Variants in LUZP4 observed in about 807,000 individuals in gnomAD.
LUZP4 encodes HOM-TES-85 tumor antigen.
LUZP4 carries 11 observed loss-of-function variants against 8.5 expected under a neutral mutation model. That is an observed-to-expected ratio of 1.30 (90% confidence interval 0.82 to 2.14). LUZP4 has a LOEUF of 2.14. LUZP4 is among the 30% of genes most tolerant of loss of function. The probability of loss-of-function intolerance (pLI) is 0.00; values close to 1 mark genes in which losing one functional copy is unlikely to be tolerated. For synonymous variants in LUZP4, 104 were observed against 79.4 expected (o/e 1.31, Z -1.65); for missense variants, 276 against 229.7 (o/e 1.20, Z -1.30).
At chrX:115,300,997 C>T (rs1428822724) in intron 1 of LUZP4, among the ~76,000 whole-genome samples, 1 of 110,772 alleles carries the variant, frequency 9.0e-6, no homozygotes, top group Non-Finnish European at 1.9e-5. Flanking sequence ...ATTCTGCCAT[C>T]TTGCTTCCTA....
chrX:115,299,821 C>T (rs1209014191), intron 1 of LUZP4, among the ~76,000 whole-genome samples: 1 of 111,728 alleles, frequency 9.0e-6, no homozygotes, highest in East Asian at 2.8e-4. Flanking sequence ...CAGCAAGTCT[C>T]GGAGTCTCAT....
intron 1 of LUZP4, among the ~76,000 whole-genome samples, chrX:115,292,595 A>G (rs781882479): frequency 1.8e-5 from 2 of 109,663 alleles, no homozygotes; most frequent in South Asian, 7.9e-4. Context: ...CTTTTTTCTA[A>G]TCTGCTTGCC....
At position 115,295,407 on chromosome X, in the gene LUZP4, A is replaced by G. The variant is rs145825455; in HGVS notation, c.91+5557A>G. On this transcript the variant is annotated intron_variant, in intron 1 of 3. Transcript: ENST00000371920. The stretch of plus-strand genomic sequence containing the variant: ...GCCCTTGCAGTTTGAAGGCAAGAAA[A>G]ATACACAATAAATAGCAAATACATG... 2.7e-3 allele frequency among the ~76,000 whole-genome samples: 303 copies of G among 112,652 alleles called. 2 individuals carry two copies. Among genetic ancestry groups the G allele is most frequent in the East Asian group, 0.014 (49 of 3,583 alleles).
rs782539086 is a variant in LUZP4 at position 115,306,809 on chromosome X, C to G, written c.*5C>G. The G allele has an allele frequency of 2.5e-6, 3 of 1,193,703 alleles. No individual in the cohort carries two copies. The highest frequency in any genetic ancestry group is 4.4e-5 in the Admixed American group (2 of 45,870). On this transcript the variant is annotated 3_prime_UTR_variant, in exon 4 of 4. Transcript: ENST00000371920. ...AAAAATACAATAACTACTTAATCAT[C>G]AGAACAATGTGTTGAATTCTGTGGA...
chrX:115,304,174 A>G (rs370511303), intron 3 of LUZP4, among the ~76,000 whole-genome samples: 103 of 112,710 alleles, frequency 9.1e-4, no homozygotes, highest in South Asian at 4.8e-3. Context: ...TGCCTACTCT[A>G]TGCAGGCACT....
chrX:115,289,898 C>A, intron 1 of LUZP4, 48 bp downstream of exon 1: 1 of 958,205 alleles, frequency 1.0e-6, no homozygotes. Context: ...GCTCACTGGT[C>A]TTGAGCGCAA....
At chrX:115,305,219 A>G (rs945087632) in intron 3 of LUZP4, among the ~76,000 whole-genome samples, 1 of 112,175 alleles carries the variant, frequency 8.9e-6, no homozygotes, top group Non-Finnish European at 1.9e-5. Context: ...AACACCAATC[A>G]CTTAGAAAAG....
intron 1 of LUZP4, 116 bp downstream of exon 1, chrX:115,289,966 G>C (rs1345856358): frequency 8.1e-6 from 4 of 495,589 alleles, no homozygotes; most frequent in Non-Finnish European, 1.4e-5. Context: ...AGTTCGAGGA[G>C]AGGCTTCCCC....
At chrX:115,291,388 TGC>T (rs2073348517) in intron 1 of LUZP4, among the ~76,000 whole-genome samples, 1 of 111,150 alleles carries the variant, frequency 9.0e-6, no homozygotes, top group Non-Finnish European at 1.9e-5. Flanking sequence ...CCTGAGCCAC[TGC>T]GCCTGGCCAA....
chrX:115,294,682 G>A (rs6644221), intron 1 of LUZP4, among the ~76,000 whole-genome samples: 12,002 of 111,348 alleles, frequency 0.11, 483 homozygotes, highest in African/African-American at 0.13. Flanking sequence ...AGAGATGGTG[G>A]TGTCGTGTAA....
At chrX:115,294,471 A>G (rs1162844095) in intron 1 of LUZP4, among the ~76,000 whole-genome samples, 1 of 111,396 alleles carries the variant, frequency 9.0e-6, no homozygotes, top group East Asian at 2.8e-4. Flanking sequence ...AGCTGAGTAA[A>G]TATTTGCTAT....
rs1408847716 is a variant in LUZP4, at chrX:115,306,412, C to A, written c.550C>A (p.His184Asn). Residue 184 changes from histidine (H) to asparagine (N), a missense_variant, in exon 4 of 4, where the codon CAT (histidine) becomes AAT (asparagine). Coordinates refer to ENST00000371920, the MANE Select transcript of LUZP4 (RefSeq NM_016383.5). Reference protein sequence around the residue: ...DRSQGQLKRHHPQYERSHGQY... With the variant: ...DRSQGQLKRHNPQYERSHGQY... ...ATCTCAAGGGCAGCTAAAGAGACAT[C>A]ATCCCCAATATGAGAGATCTCATGG... The A allele has an allele frequency of 3.3e-6, 4 of 1,209,644 alleles. No homozygotes were observed. The highest frequency in any genetic ancestry group is 4.5e-6 in the Non-Finnish European group (4 of 895,132).
intron 1 of LUZP4, among the ~76,000 whole-genome samples, chrX:115,301,164 C>T (rs2073395547): frequency 9.0e-6 from 1 of 111,082 alleles, no homozygotes; most frequent in African/African-American, 3.3e-5. Context: ...CCTAGCTTGT[C>T]CTTCTTTTTT....
At chrX:115,291,769 A>G (rs2073350161) in intron 1 of LUZP4, among the ~76,000 whole-genome samples, 1 of 110,523 alleles carries the variant, frequency 9.0e-6, no homozygotes, top group African/African-American at 3.3e-5. Context: ...TAAAAATACA[A>G]AGATTAGCTG....
chrX:115,294,913 T>C (rs1442225453), intron 1 of LUZP4, among the ~76,000 whole-genome samples: 1 of 111,529 alleles, frequency 9.0e-6, no homozygotes, highest in Non-Finnish European at 1.9e-5. Flanking sequence ...GGTCACTGTT[T>C]TATCCTTTTA....
chrX:115,297,897 C>A (rs1159712916), intron 1 of LUZP4, among the ~76,000 whole-genome samples: 1 of 109,375 alleles, frequency 9.1e-6, no homozygotes, highest in East Asian at 2.9e-4. Flanking sequence ...CAACCTCTGC[C>A]TCCCAGGTCC....
intron 1 of LUZP4, among the ~76,000 whole-genome samples, chrX:115,291,595 G>T (rs1007491543): frequency 9.0e-6 from 1 of 111,057 alleles, no homozygotes; most frequent in Admixed American, 9.6e-5. Context: ...TTTAAAAGGG[G>T]CAGGATAAGT....
At chrX:115,302,711 G>A (rs1183711340) in intron 2 of LUZP4, among the ~76,000 whole-genome samples, 1 of 112,852 alleles carries the variant, frequency 8.9e-6, no homozygotes, top group East Asian at 2.8e-4. Context: ...AGCCCCGACA[G>A]TTGCCTATGC....
chrX:115,290,421 G>A (rs62600463), intron 1 of LUZP4, among the ~76,000 whole-genome samples: 16,814 of 110,970 alleles, frequency 0.15, 1,176 homozygotes, highest in Non-Finnish European at 0.22. Flanking sequence ...CTTGTTGGCT[G>A]GTGGTTATTC....
Sources: allele counts gnomAD v4.1 joint callset (sites outside exome capture counted in the v4.1 genomes callset), GRCh38; gene constraint gnomAD v4.1.1; transcripts MANE v1.5; gene names NCBI Gene and HGNC (gene_info 2026-07-23, HGNC 2026-07-21).